MTA3: variants seen among roughly 807,000 people sequenced by gnomAD.
The protein encoded by MTA3 is metastasis associated 1 family member 3.
A neutral mutation model predicts 83.5 loss-of-function variants in MTA3; 34 were observed. That is an observed-to-expected ratio of 0.41 (90% CI 0.31 to 0.54). The LOEUF (loss-of-function observed/expected upper bound fraction) is 0.54. MTA3 is among the 20% of genes least tolerant of loss of function. MTA3 has a pLI of 0.33. For synonymous variants in MTA3, 303 were observed against 252.7 expected, an observed-to-expected ratio of 1.20 and a Z score of -1.89; for missense variants, 761 against 726.4, an observed-to-expected ratio of 1.05 and a Z score of -0.55.
At chr2:42,672,124 G>A (rs911173691) in intron 8 of MTA3, among the ~76,000 whole-genome samples, 1 of 152,048 alleles carries the variant, frequency 6.6e-6, no homozygotes, top group African/African-American at 2.4e-5. Context: ...TTTTAATTAC[G>A]CTCATAGTAA....
intron 2 of MTA3, among the ~76,000 whole-genome samples, chr2:42,551,453 A>T (rs889856575): frequency 3.3e-5 from 5 of 152,006 alleles, no homozygotes; most frequent in African/African-American, 1.2e-4. Flanking sequence ...AGCCTCCCAA[A>T]GTGCTGGGAT....
intron 3 of MTA3, among the ~76,000 whole-genome samples, chr2:42,598,342 G>A (rs1050583780): frequency 1.3e-5 from 2 of 152,170 alleles, no homozygotes; most frequent in East Asian, 1.9e-4. Flanking sequence ...TGGGATTACA[G>A]GCGTGAGCCA....
At chr2:42,531,085 C>G (rs1289210488) in intron 2 of MTA3, among the ~76,000 whole-genome samples, 6 of 152,188 alleles carry the variant, frequency 3.9e-5, no homozygotes, top group Non-Finnish European at 8.8e-5. Flanking sequence ...TCACCTGGGC[C>G]TCCAAAAGTG....
chr2:42,751,696 T>C (rs1669883378), intron 16 of MTA3, among the ~76,000 whole-genome samples: 1 of 152,142 alleles, frequency 6.6e-6, no homozygotes, highest in South Asian at 2.1e-4. Flanking sequence ...GCAGGCAAGT[T>C]TGGCACAAAT....
intron 16 of MTA3, among the ~76,000 whole-genome samples, chr2:42,736,268 CT>C (rs1448797514): frequency 6.6e-5 from 10 of 152,196 alleles, no homozygotes; most frequent in Non-Finnish European, 8.8e-5. Context: ...TCTTCTTTTA[CT>C]TTCACTCAAA....
At chr2:42,727,155 A>G (rs1667886366) in intron 16 of MTA3, among the ~76,000 whole-genome samples, 1 of 152,180 alleles carries the variant, frequency 6.6e-6, no homozygotes, top group South Asian at 2.1e-4. Flanking sequence ...CTATGATTGT[A>G]TCACTGTACT....
At chr2:42,714,693 A>G (rs1666899159) in intron 14 of MTA3, among the ~76,000 whole-genome samples, 1 of 152,222 alleles carries the variant, frequency 6.6e-6, no homozygotes. Flanking sequence ...GACAGGTTTC[A>G]TGGAAGACAA....
intron 8 of MTA3, among the ~76,000 whole-genome samples, chr2:42,672,086 C>T (rs956072319): frequency 6.6e-6 from 1 of 152,120 alleles, no homozygotes; most frequent in Non-Finnish European, 1.5e-5. Flanking sequence ...CTGGTTTGTG[C>T]CAAGAATCAC....
intron 4 of MTA3, among the ~76,000 whole-genome samples, chr2:42,625,282 T>G (rs1185763079): frequency 6.7e-6 from 1 of 150,024 alleles, no homozygotes; most frequent in Non-Finnish European, 1.5e-5. Context: ...TCCACCCACC[T>G]CGGCTTCTCA....
At chr2:42,590,758 C>T (rs1176895205) in intron 3 of MTA3, among the ~76,000 whole-genome samples, 1 of 151,838 alleles carries the variant, frequency 6.6e-6, no homozygotes, top group Non-Finnish European at 1.5e-5. Flanking sequence ...GTAGCTGGGA[C>T]TACAGGTGTG....
chr2:42,547,410 C>T (rs754972497), intron 2 of MTA3, among the ~76,000 whole-genome samples: 3 of 152,270 alleles, frequency 2.0e-5, no homozygotes, highest in Non-Finnish European at 2.9e-5. Flanking sequence ...TCACTGCAAC[C>T]TCCACCTCCT....
rs575297303 is a variant in MTA3, at chr2:42,609,874, G to A, written c.317+290G>A. Among the ~76,000 whole-genome samples the A allele has an allele frequency of 3.9e-5, 6 of 152,268 alleles. No homozygotes were observed. The South Asian group carries it at 8.3e-4, about 21-fold the overall frequency. On this transcript the variant is annotated intron_variant, in intron 4 of 16. Coordinates refer to ENST00000405094, the MANE Select transcript of MTA3 (RefSeq NM_001330442.2). Reference sequence around the variant, plus strand: ...AGCACTTTGGGAGGCTGAGGCGGGCGTATCATTTGAGGTCAGGAATTCGAG... The same window carrying A: ...AGCACTTTGGGAGGCTGAGGCGGGCATATCATTTGAGGTCAGGAATTCGAG...
chr2:42,547,604 T>C (rs1486723731), intron 2 of MTA3, among the ~76,000 whole-genome samples: 2 of 152,234 alleles, frequency 1.3e-5, no homozygotes, highest in Non-Finnish European at 2.9e-5. Context: ...GCGCTGGGAT[T>C]ACAGGCGTCA....
rs531791410 is a variant in MTA3, at chr2:42,673,656, C to G, written c.703-8745C>G. 3.3e-5 allele frequency among the ~76,000 whole-genome samples: 5 copies of G among 152,190 alleles called. No individual in the cohort carries two copies. The South Asian group carries it at 1.0e-3, about 32-fold the overall frequency. On this transcript the variant is annotated intron_variant, in intron 8 of 16. Coordinates refer to ENST00000405094, the MANE Select transcript of MTA3 (RefSeq NM_001330442.2). ...GGATCAGCACTTGTGGAATAAAAGG[C>G]AAGGAGGCAGGATTGACTAGTGGGA...
rs185824027 is a variant in MTA3, at chr2:42,626,746, T to A, written c.318-13427T>A. On this transcript the variant is annotated intron_variant, in intron 4 of 16. Coordinates refer to ENST00000405094, the MANE Select transcript of MTA3 (RefSeq NM_001330442.2). Reference sequence around the variant, plus strand: ...CTAGTATTAGCTCCTTTTTTTTAAATTTAATTTTTTTTTAGACAGAGTCTT... The same window carrying A: ...CTAGTATTAGCTCCTTTTTTTTAAAATTAATTTTTTTTTAGACAGAGTCTT... 5.9e-5 allele frequency among the ~76,000 whole-genome samples: 9 copies of A among 152,278 alleles called. No individual in the cohort carries two copies. In the East Asian group the frequency reaches 1.7e-3, roughly 29 times the overall value.
At chr2:42,737,466 C>T (rs571807655) in intron 16 of MTA3, among the ~76,000 whole-genome samples, 1 of 152,170 alleles carries the variant, frequency 6.6e-6, no homozygotes, top group Non-Finnish European at 1.5e-5. Flanking sequence ...CTCTTCCCTT[C>T]CCTCTTCAGT....
At chr2:42,544,076 G>A (rs778917356) in intron 2 of MTA3, among the ~76,000 whole-genome samples, 53 of 152,006 alleles carry the variant, frequency 3.5e-4, no homozygotes, top group Non-Finnish European at 6.5e-4. Context: ...AGTTTAGTTC[G>A]CCTGCAAGGA....
chr2:42,635,727 C>G lies in MTA3; in HGVS notation c.318-4446C>G, dbSNP rs190885065. The stretch of plus-strand genomic sequence containing the variant: ...TGAAGCAATAATACTGTTTGTTGAA[C>G]AAGGCAAGTTTAATGTCAAACTCTG... On this transcript the variant is annotated intron_variant, in intron 4 of 16. Transcript: ENST00000405094. Among the ~76,000 whole-genome samples, 60 of 152,088 alleles carry G rather than the reference C, an allele frequency of 3.9e-4. No homozygotes were observed. The South Asian group carries it at 0.012, about 29-fold the overall frequency.
At chr2:42,505,967 G>C (rs890111526) in intron 2 of MTA3, among the ~76,000 whole-genome samples, 1 of 151,840 alleles carries the variant, frequency 6.6e-6, no homozygotes, top group Admixed American at 6.6e-5. Context: ...GTTTCACCGT[G>C]TCAGCCAGGC....
Sources: gnomAD v4.1 joint callset for allele counts (sites outside exome capture counted in the v4.1 genomes callset) on GRCh38, gnomAD v4.1.1 for gene constraint, MANE v1.5 for transcripts, NCBI Gene and HGNC (gene_info 2026-07-23, HGNC 2026-07-21) for gene names.